Variants in MUC4 observed in about 807,000 individuals in gnomAD.
The protein encoded by MUC4 is mucin 4, cell surface associated.
Under a neutral mutation model 257.9 loss-of-function variants are expected in MUC4, and 202 were observed. That is an observed-to-expected ratio of 0.78 (90% CI 0.70 to 0.88). The LOEUF (loss-of-function observed/expected upper bound fraction) is 0.88, where lower values mean the gene tolerates loss of function less well. Ranked by LOEUF, MUC4 falls within the 40% of genes least tolerant of loss-of-function variation. The pLI, the probability that MUC4 is intolerant of heterozygous loss-of-function variation, is 0.00. For synonymous variants in MUC4, 2,351 were observed against 2,757.1 expected (o/e 0.85, Z 4.62); for missense variants, 5,976 against 6,513.7 (o/e 0.92, Z 2.84).
chr3:195,764,773 C>T (rs1270491903), intron 10 of MUC4, among the ~76,000 whole-genome samples: 2 of 152,076 alleles, frequency 1.3e-5, no homozygotes, highest in African/African-American at 4.8e-5. Flanking sequence ...CCCACTCTGG[C>T]CTGGGGATGT....
At position 195,748,834 on chromosome 3, in the gene MUC4, T is replaced by C; in HGVS notation, c.16034+68A>G. ...CGAGCCATCCTAATTCCTGGACCCC[T>C]TGCAGTGTCTTGCCCAGCTTGGGTT... On this transcript the variant is annotated intron_variant, in intron 24 of 24. Coordinates refer to ENST00000463781, the MANE Select transcript of MUC4 (RefSeq NM_018406.7). 3 of 1,468,920 alleles carry C rather than the reference T, an allele frequency of 2.0e-6. No homozygotes were observed. In the Admixed American group the frequency reaches 7.6e-5, roughly 37 times the overall value. 91.0% of individuals were successfully genotyped at this position (1,468,920 alleles called of 1,614,324 possible). A position where few individuals can be genotyped will look rare whatever the true frequency, so the allele number is the denominator to read the frequency against.
chr3:195,766,620 A>C, intron 8 of MUC4, 43 bp downstream of exon 8: 1 of 1,575,374 alleles, frequency 6.3e-7, no homozygotes. Context: ...AGGACACGCG[A>C]GGGCTTGAGA....
intron 3 of MUC4, among the ~76,000 whole-genome samples, chr3:195,775,104 G>A (rs74510888): frequency 0.017 from 2,515 of 151,994 alleles, 34 homozygotes; most frequent in Non-Finnish European, 0.027. Flanking sequence ...CGCAGCTGCC[G>A]ACTCCTTGGC....
In MUC4 at chr3:195,788,902, G is replaced by C. The variant is rs1283990125; in HGVS notation, c.2678C>G (p.Ser893Cys). The C allele has an allele frequency of 1.2e-6, 2 of 1,613,760 alleles. No homozygotes were observed. Among genetic ancestry groups the C allele is most frequent in the Non-Finnish European group, 1.7e-6 (2 of 1,179,782 alleles). Residue 893 changes from serine to cysteine, a missense_variant, in exon 2 of 25, where the codon TCT (serine) becomes TGT (cysteine). Ser to Cys is a moderately radical substitution (Grantham distance 112). Transcript: ENST00000463781. ...TGTCTCCTGAGGAGAGGCACTGGGA[G>C]AAGTTGGGCTTGACTGTCCTGTCGG... ...GRPTGQSSPT[S>C]PSASPQETAA...
At chr3:195,777,868 A>G (rs1415620161) in intron 3 of MUC4, among the ~76,000 whole-genome samples, 59 of 92,412 alleles carry the variant, frequency 6.4e-4, no homozygotes, top group African/African-American at 8.1e-4. Flanking sequence ...TACCTTCCAC[A>G]CCCATACCTT....
At chr3:195,767,486 C>T (rs899638195) in intron 7 of MUC4, among the ~76,000 whole-genome samples, 15 of 121,688 alleles carry the variant, frequency 1.2e-4, no homozygotes, top group Non-Finnish European at 1.8e-4. Context: ...ACCATCACCA[C>T]CACCATCACC....
intron 1 of MUC4, 62 bp downstream of exon 1, chr3:195,811,673 AC>A: frequency 6.7e-7 from 1 of 1,491,222 alleles, no homozygotes; most frequent in South Asian, 1.2e-5. Context: ...TCTTTCTCTG[AC>A]AGCTCCCACC....
In MUC4 at chr3:195,788,861, T is replaced by C; in HGVS notation, c.2719A>G (p.Met907Val). 2.5e-6 allele frequency: 4 copies of C among 1,613,828 alleles called. No individual in the cohort carries two copies. Among genetic ancestry groups the C allele is most frequent in the Admixed American group, 1.7e-5 (1 of 59,984 alleles). Reference protein sequence around the residue: ...SPQETAAISRMAQTQRTRTSR... With the variant: ...SPQETAAISRVAQTQRTRTSR... ...GTTCTTGTCCTCTGAGTCTGGGCCA[T>C]CCGGGAAATGGCGGCTGTCTCCTGA... Residue 907 changes from methionine (M) to valine (V), a missense_variant, in exon 2 of 25, where the codon ATG becomes GTG. Transcript: ENST00000463781.
intron 1 of MUC4, among the ~76,000 whole-genome samples, chr3:195,801,763 C>T (rs1345382827): frequency 1.3e-5 from 2 of 152,166 alleles, no homozygotes; most frequent in Non-Finnish European, 2.9e-5. Context: ...CTCATCAGTT[C>T]GGCCCCATCC....
At chr3:195,749,321 GGTTCCT>G in intron 23 of MUC4, among the ~76,000 whole-genome samples, 1 of 57,582 alleles carries the variant, frequency 1.7e-5, no homozygotes, top group African/African-American at 6.9e-5. Flanking sequence ...TAGGGAAAAA[GGTTCCT>G]AGGGAAAAAG....
At position 195,769,955 on chromosome 3, in the gene MUC4, C is replaced by T. The variant is rs74858987; in HGVS notation, c.13398+261G>A. Among the ~76,000 whole-genome samples the T allele has an allele frequency of 6.7e-3, 1,013 of 152,198 alleles. 13 individuals carry two copies. The highest frequency in any genetic ancestry group is 0.023 in the African/African-American group (963 of 41,508). On this transcript the variant is annotated intron_variant, in intron 6 of 24. Coordinates refer to ENST00000463781, the MANE Select transcript of MUC4 (RefSeq NM_018406.7). ...AGACATTTTTGACTTACAAAAATGC[C>T]ACTTGCTATGTTTCAGCCTAATAAT...
chr3:195,786,735 G>A lies in MUC4; in HGVS notation c.4845C>T (p.Thr1615=), dbSNP rs530722129. ...AGGAAGTGTCGGTGACAGGAAGAGGGGTGGTGTGACCTGTAGATGCTGAGG... is the reference window on the plus strand; with the variant it reads ...AGGAAGTGTCGGTGACAGGAAGAGGAGTGGTGTGACCTGTAGATGCTGAGG... ...SPSSASTGHT[T]PLPVTDTSSA... The change falls in exon 2 of 25, where the codon ACC becomes ACT. Residue 1615 remains threonine, a synonymous_variant. Coordinates refer to ENST00000463781, the MANE Select transcript of MUC4 (RefSeq NM_018406.7). The A allele has an allele frequency of 1.3e-6, 2 of 1,517,434 alleles. No individual in the cohort carries two copies. Among genetic ancestry groups the A allele is most frequent in the African/African-American group, 2.9e-5 (2 of 68,202 alleles). 94.0% of individuals were successfully genotyped at this position (1,517,434 alleles called of 1,614,324 possible).
intron 3 of MUC4, among the ~76,000 whole-genome samples, chr3:195,775,067 T>G (rs2550251): frequency 0.62 from 94,852 of 151,848 alleles, 30,128 homozygotes; most frequent in East Asian, 0.74. Context: ...GGGCTCCAGT[T>G]TGAGAAACCT....
chr3:195,796,853 G>A lies in MUC4; in HGVS notation c.83-5356C>T, dbSNP rs138879067. 1.8e-3 allele frequency among the ~76,000 whole-genome samples: 269 copies of A among 152,272 alleles called. 2 individuals are homozygous for A. The highest frequency in any genetic ancestry group is 5.9e-3 in the African/African-American group (246 of 41,530). ...AATGATCTACTAATAATTTTATAAG[G>A]TTGGAAACCAAAGATAGGATAAGAA... On this transcript the variant is annotated intron_variant, in intron 1 of 24. Transcript: ENST00000463781.
chr3:195,806,941 C>T (rs1736060770), intron 1 of MUC4, among the ~76,000 whole-genome samples: 1 of 152,194 alleles, frequency 6.6e-6, no homozygotes, highest in African/African-American at 2.4e-5. Flanking sequence ...CCACTGGCCA[C>T]TGGACTTTTG....
rs1445772278 is a variant in MUC4 at position 195,762,077 on chromosome 3, C to T, written c.14512+10G>A. On this transcript the variant is annotated intron_variant, in intron 14 of 24. Transcript: ENST00000463781. Reference sequence around the variant, plus strand: ...GCGGAGCCTCAGAGGCAGGTCCGAGCCGCCCTCACCCAGGAGCCCCTCCGT... The same window carrying T: ...GCGGAGCCTCAGAGGCAGGTCCGAGTCGCCCTCACCCAGGAGCCCCTCCGT... 1.3e-5 allele frequency: 21 copies of T among 1,578,222 alleles called. No individual in the cohort carries two copies. The highest frequency in any genetic ancestry group is 1.5e-5 in the Non-Finnish European group (17 of 1,167,494).
intron 12 of MUC4, 100 bp from the exon 13 acceptor site, chr3:195,763,045 G>A: frequency 9.6e-7 from 1 of 1,046,926 alleles, no homozygotes; most frequent in Admixed American, 2.2e-5. Flanking sequence ...CTGCGCCCTG[G>A]GCCGGGAGGA....
intron 19 of MUC4, 129 bp downstream of exon 19, chr3:195,754,084 C>G (rs1306141866): frequency 7.8e-7 from 1 of 1,284,920 alleles, no homozygotes. Flanking sequence ...ATTTCCCACA[C>G]CTGCCTAGAT....
rs201734576 is a variant in MUC4 at position 195,757,101 on chromosome 3, C to G, written c.15168+46G>C. 1.2e-3 allele frequency: 1,850 copies of G among 1,554,430 alleles called. 1 individual carries two copies. Among genetic ancestry groups the G allele is most frequent in the Non-Finnish European group, 1.5e-3 (1,679 of 1,139,222 alleles). On this transcript the variant is annotated intron_variant, in intron 18 of 24. Transcript: ENST00000463781. The surrounding 1 kb of genome is among the most constrained non-coding windows in gnomAD (Gnocchi z 4.8). ...ACAGCATCCATTCCACTCCCATTTC[C>G]TCTCCCCTCGGCACAGAAACTCCTC...
Sources: gnomAD v4.1 joint callset for allele counts (sites outside exome capture counted in the v4.1 genomes callset) on GRCh38, gnomAD v4.1.1 for gene constraint, Gnocchi (gnomAD v3.1) non-coding constraint, MANE v1.5 for transcripts, NCBI Gene and HGNC (gene_info 2026-07-23, HGNC 2026-07-21) for gene names.